Variants in NBN observed in about 807,000 individuals in gnomAD.
The protein encoded by NBN is nibrin, also known as Nijmegen breakage syndrome 1 (nibrin).
A neutral mutation model predicts 90.8 loss-of-function variants in NBN; 88 were observed. That is an observed-to-expected ratio of 0.97 (90% CI 0.82 to 1.16). The LOEUF (loss-of-function observed/expected upper bound fraction) is 1.16. NBN is among the 50% of genes most tolerant of loss of function. NBN has a pLI of 0.00. For missense variants in NBN, 894 were observed against 869.6 expected, an observed-to-expected ratio of 1.03 and a Z score of -0.35; for synonymous variants, 328 against 295.1, an observed-to-expected ratio of 1.11 and a Z score of -1.14.
At chr8:89,962,263 G>A (rs890731723) in intron 8 of NBN, among the ~76,000 whole-genome samples, 1 of 152,172 alleles carries the variant, frequency 6.6e-6, no homozygotes. Context: ...CATATATCTA[G>A]TTGAGAATTG....
chr8:89,965,645 A>G (rs1811219713), intron 7 of NBN, among the ~76,000 whole-genome samples: 1 of 152,008 alleles, frequency 6.6e-6, no homozygotes, highest in African/African-American at 2.4e-5. Flanking sequence ...GCGCACCAAC[A>G]CACCCAGCTA....
chr8:89,980,652 AT>A (rs1410562940), intron 4 of NBN, 81 bp downstream of exon 4: 7 of 1,203,276 alleles, frequency 5.8e-6, no homozygotes, highest in Non-Finnish European at 8.4e-6. Context: ...TTTTAAAGTA[AT>A]TAAAAAAAAA....
intron 12 of NBN, among the ~76,000 whole-genome samples, chr8:89,946,939 A>G (rs1004800685): frequency 2.6e-5 from 4 of 152,190 alleles, no homozygotes; most frequent in Admixed American, 2.6e-4. Context: ...TCAGTTACAC[A>G]TCAACATTAT....
At position 89,950,342 on chromosome 8, in the gene NBN, C is replaced by T. The variant is rs144439431; in HGVS notation, c.1846-2450G>A. Among the ~76,000 whole-genome samples, 288 of 152,270 alleles carry T rather than the reference C, an allele frequency of 1.9e-3. 1 individual carries two copies. Among genetic ancestry groups the T allele is most frequent in the Middle Eastern group, 0.01 (3 of 294 alleles). On this transcript the variant is annotated intron_variant, in intron 11 of 15. Coordinates refer to ENST00000265433, the MANE Select transcript of NBN (RefSeq NM_002485.5). ...TCCTCTCATATACTTTAAATCATCT[C>T]TAGAATACTTACAATACCTAATACA...
Position 89,981,624 on chromosome 8 carries a change from C to A in NBN, c.172-101G>T, listed in dbSNP as rs895851223. The A allele has an allele frequency of 2.0e-5, 24 of 1,221,486 alleles. No homozygotes were observed. The Admixed American group carries it at 2.2e-4, about 11-fold the overall frequency. 75.7% of individuals were successfully genotyped at this position (1,221,486 alleles called of 1,614,324 possible). On this transcript the variant is annotated intron_variant, in intron 2 of 15. Transcript: ENST00000265433. ...AAAAGACAATAGGCAGGTGGCTAAC[C>A]TCCCAACACGGCAGACAACAATTAC...
At chr8:89,960,208 T>C (rs1219460138) in intron 8 of NBN, among the ~76,000 whole-genome samples, 1 of 152,254 alleles carries the variant, frequency 6.6e-6, no homozygotes, top group Non-Finnish European at 1.5e-5. Context: ...TAATTCTAAA[T>C]TCAGATATTT....
chr8:89,956,454 A>T (rs1810723138), intron 9 of NBN, among the ~76,000 whole-genome samples: 1 of 152,188 alleles, frequency 6.6e-6, no homozygotes. Context: ...ATTAAAAACA[A>T]AACAAAACAA....
At chr8:89,958,907 A>G in intron 8 of NBN, 53 bp from the exon 9 acceptor site, 1 of 1,604,512 alleles carries the variant, frequency 6.2e-7, no homozygotes, top group Non-Finnish European at 8.5e-7. Flanking sequence ...ATAGAAGATG[A>G]ACATCTGGTC....
rs957561936 is a variant in NBN at position 89,982,851 on chromosome 8, T to G, written c.42A>C (p.Glu14Asp). Reference sequence around the variant, plus strand: ...CAACGCCAGTCAAAAGTCTGTATGGTTCTCCTGAGATAAATTTTTTTTTAA... The same window carrying G: ...CAACGCCAGTCAAAAGTCTGTATGGGTCTCCTGAGATAAATTTTTTTTTAA... ...LLPAAGPAGG[E>D]PYRLLTGVEY... The change falls in exon 2 of 16, where the codon GAA becomes GAC. Residue 14 changes from glutamate to aspartate, a missense_variant. Transcript: ENST00000265433. 4 of 1,613,430 alleles carry G rather than the reference T, an allele frequency of 2.5e-6. No homozygotes were observed. Among genetic ancestry groups the G allele is most frequent in the Non-Finnish European group, 3.4e-6 (4 of 1,179,552 alleles).
At chr8:89,979,406 A>C (rs557032881) in intron 4 of NBN, among the ~76,000 whole-genome samples, 1 of 152,362 alleles carries the variant, frequency 6.6e-6, no homozygotes, top group East Asian at 1.9e-4. Context: ...ACTAGCATGA[A>C]CCAGTAATGT....
In NBN at chr8:89,935,463, A is replaced by C; in HGVS notation, c.*119T>G. 8.8e-7 allele frequency: 1 copy of C among 1,134,638 alleles called. No homozygotes were observed. The highest frequency in any genetic ancestry group is 1.4e-5 in the South Asian group (1 of 72,384). The allele number at this position is 1,134,638 out of a possible 1,614,324, so 70.3% of individuals were successfully genotyped here. ...TTTGTGCATTTTATTTAATAAATTT[A>C]GGCCATAAAACATTGTAACTTAAAT... On this transcript the variant is annotated 3_prime_UTR_variant, in exon 16 of 16. Transcript: ENST00000265433.
intron 1 of NBN, 48 bp from the exon 2 acceptor site, chr8:89,982,903 AC>A (rs1812144999): frequency 2.5e-6 from 4 of 1,572,854 alleles, no homozygotes; most frequent in Non-Finnish European, 3.5e-6. Context: ...AGACACATAC[AC>A]ATGTACACGA....
At chr8:89,946,024 T>C in intron 13 of NBN, 116 bp downstream of exon 13, 1 of 774,960 alleles carries the variant, frequency 1.3e-6, no homozygotes, top group Non-Finnish European at 2.1e-6. Flanking sequence ...TAAAGCATTT[T>C]AAGCAGAAGA....
At chr8:89,972,417 T>C (rs564361372) in intron 5 of NBN, among the ~76,000 whole-genome samples, 1 of 152,386 alleles carries the variant, frequency 6.6e-6, no homozygotes, top group Non-Finnish European at 1.5e-5. Context: ...CAGACTCACT[T>C]GGCAGGACAG....
At position 89,955,527 on chromosome 8, in the gene NBN, T is replaced by C. The variant is rs1563532612; in HGVS notation, c.1153A>G (p.Lys385Glu). 3 of 1,613,524 alleles carry C rather than the reference T, an allele frequency of 1.9e-6. No homozygotes were observed. The highest frequency in any genetic ancestry group is 1.7e-4 in the Middle Eastern group (1 of 6,056). The change falls in exon 10 of 16, where the codon AAA (lysine) becomes GAA (glutamate). Residue 385 changes from lysine to glutamate, a missense_variant. Coordinates refer to ENST00000265433, the MANE Select transcript of NBN (RefSeq NM_002485.5). Reference protein sequence around the residue: ...WDLSERPKEIKVSKMEQKFRM... With the variant: ...WDLSERPKEIEVSKMEQKFRM... ...AATTTTTGTTCCATTTTGGAGACTT[T>C]GATTTCTTTTGGCCTTTCACTCAAA... is the stretch of plus-strand genomic sequence containing the variant.
At position 89,935,432 on chromosome 8, in the gene NBN, CAA is replaced by C. The variant is rs1380472580; in HGVS notation, c.*148_*149del. ...AAACAATTGTTACATACAAAAGAAT[CAA>C]AGTTTTGTGCATTTTATTTAATAAA... On this transcript the variant is annotated 3_prime_UTR_variant, in exon 16 of 16. Transcript: ENST00000265433. 2.3e-6 allele frequency: 2 copies of C among 867,318 alleles called. No homozygotes were observed. The highest frequency in any genetic ancestry group is 1.7e-5 in the African/African-American group (1 of 58,724). 53.7% of individuals were successfully genotyped at this position (867,318 alleles called of 1,614,324 possible).
In NBN at chr8:89,936,245, T is replaced by A. The variant is rs898146694; in HGVS notation, c.2235-633A>T. ...GTGCATGCCACCACGCCTGGCTAATTTTTGTATTTTTAGTAGAGACGGGGT... is the reference window on the plus strand; with the variant it reads ...GTGCATGCCACCACGCCTGGCTAATATTTGTATTTTTAGTAGAGACGGGGT... On this transcript the variant is annotated intron_variant, in intron 15 of 15. Transcript: ENST00000265433. The A allele has an allele frequency of 3.1e-4, 68 of 217,224 alleles. 2 individuals carry two copies. The highest frequency in any genetic ancestry group is 1.8e-3 in the South Asian group (36 of 19,906). The allele number at this position is 217,224 out of a possible 1,614,324, so 13.5% of individuals were successfully genotyped here.
rs1360269573 is a variant in NBN, at chr8:89,981,037, T to C, written c.321-144A>G. On this transcript the variant is annotated intron_variant, in intron 3 of 15. Transcript: ENST00000265433. ...TTACCCTTTGTAACCTATGAAATTA[T>C]CAGTTCCTCATCATTAAGCTTTGTA... 2.6e-5 allele frequency: 19 copies of C among 744,200 alleles called. No homozygotes were observed. The East Asian group carries it at 4.8e-4, about 19-fold the overall frequency. The allele number at this position is 744,200 out of a possible 1,614,324, so 46.1% of individuals were successfully genotyped here.
Position 89,935,526 on chromosome 8 carries a change from C to G in NBN, c.*56G>C. The G allele has an allele frequency of 6.2e-7, 1 of 1,603,656 alleles. No individual in the cohort carries two copies. On this transcript the variant is annotated 3_prime_UTR_variant, in exon 16 of 16. Transcript: ENST00000265433. ...CTATATATTCATATAACCTTGTTGG[C>G]CTGAAGTAGATGCTTACTAGGAAGT... is the stretch of plus-strand genomic sequence containing the variant.
Sources: gnomAD v4.1 joint callset for allele counts (sites outside exome capture counted in the v4.1 genomes callset) on GRCh38, gnomAD v4.1.1 for gene constraint, MANE v1.5 for transcripts, NCBI Gene and HGNC (gene_info 2026-07-23, HGNC 2026-07-21) for gene names.